Variants in MRC1 observed in about 807,000 individuals in gnomAD.
MRC1 encodes the protein mannose receptor C-type 1.
Under a neutral mutation model 102.9 loss-of-function variants are expected in MRC1, and 62 were observed. The observed-to-expected ratio is 0.60, with a 90% CI of 0.49 to 0.74. The LOEUF is 0.74. Among genes scored for constraint, MRC1 ranks in the 30% least tolerant of loss-of-function variants. MRC1 has a pLI of 0.00. For missense variants in MRC1, 1,237 were observed against 862.8 expected (o/e 1.43, Z -5.43); for synonymous variants, 457 against 298.4 (o/e 1.53, Z -5.48).
At chr10:17,858,253 A>G (rs929637693) in intron 9 of MRC1, among the ~76,000 whole-genome samples, 3 of 151,980 alleles carry the variant, frequency 2.0e-5, no homozygotes, top group Non-Finnish European at 4.4e-5. Flanking sequence ...ATTTTATTAT[A>G]CTTTCTCGTG....
chr10:17,876,008 G>C (rs888216100), intron 17 of MRC1, among the ~76,000 whole-genome samples: 31 of 152,236 alleles, frequency 2.0e-4, no homozygotes, highest in African/African-American at 7.2e-4. Context: ...ACATTTCTCT[G>C]ATAATTTGTG....
At chr10:17,849,558 G>T (rs111957681) in intron 6 of MRC1, 21 bp from the exon 7 acceptor site, 1 of 774,786 alleles carries the variant, frequency 1.3e-6, no homozygotes, top group Admixed American at 1.7e-5. Flanking sequence ...ATTTTTTTCC[G>T]ACCCCCCTTT....
chr10:17,809,565 G>A (rs1459089328), intron 1 of MRC1, 39 bp downstream of exon 1: 2 of 870,782 alleles, frequency 2.3e-6, no homozygotes, highest in African/African-American at 1.6e-5. Flanking sequence ...TGACCTGGGG[G>A]GCCGGAACCA....
At chr10:17,900,999 A>T in intron 25 of MRC1, 46 bp downstream of exon 25, 1 of 768,104 alleles carries the variant, frequency 1.3e-6, no homozygotes. Flanking sequence ...AAATTTCTGA[A>T]TAAGCTACTA....
At position 17,899,807 on chromosome 10, in the gene MRC1, T is replaced by G. The variant is rs1425586994; in HGVS notation, c.3484-981T>G. Among the ~76,000 whole-genome samples, 6 of 152,080 alleles carry G rather than the reference T, an allele frequency of 3.9e-5. No individual in the cohort carries two copies. The East Asian group carries it at 1.2e-3, about 29-fold the overall frequency. On this transcript the variant is annotated intron_variant, in intron 24 of 29. Coordinates refer to ENST00000569591, the MANE Select transcript of MRC1 (RefSeq NM_002438.4). ...TGTTTCACTAAATTTAATAAGAAAT[T>G]AACTGTGCAGGCCAGGCACGGTGGC...
Position 17,872,040 on chromosome 10 carries a change from G to C in MRC1, c.2258G>C (p.Cys753Ser). The C allele has an allele frequency of 1.3e-6, 1 of 780,680 alleles. No individual in the cohort carries two copies. Among genetic ancestry groups the C allele is most frequent in the Admixed American group, 1.7e-5 (1 of 59,022 alleles). 48.4% of individuals were successfully genotyped at this position (780,680 alleles called of 1,614,324 possible). A position where few individuals can be genotyped will look rare whatever the true frequency, so the allele number is the denominator to read the frequency against. Residue 753 changes from cysteine (C) to serine (S), a missense_variant, in exon 15 of 30, where the codon TGT (cysteine) becomes TCT (serine). Coordinates refer to ENST00000569591, the MANE Select transcript of MRC1 (RefSeq NM_002438.4). ...EPNNYQNVEY[C>S]GELKGDPTMS... ...AATAATTATCAAAATGTTGAATACT[G>C]TGGTGAGCTGAAAGGTGACCCTACT... is the stretch of plus-strand genomic sequence containing the variant.
intron 28 of MRC1, among the ~76,000 whole-genome samples, chr10:17,907,992 G>C (rs1397994837): frequency 6.6e-6 from 1 of 152,204 alleles, no homozygotes; most frequent in Non-Finnish European, 1.5e-5. Context: ...CATCTACAAA[G>C]CCTTATTGCA....
intron 4 of MRC1, among the ~76,000 whole-genome samples, chr10:17,835,067 G>A (rs925891940): frequency 1.2e-4 from 18 of 152,056 alleles, no homozygotes; most frequent in African/African-American, 3.1e-4. Flanking sequence ...TACTATTCCC[G>A]GTCTTGCATT....
At chr10:17,905,047 C>G (rs1833877974) in intron 26 of MRC1, among the ~76,000 whole-genome samples, 1 of 152,124 alleles carries the variant, frequency 6.6e-6, no homozygotes, top group African/African-American at 2.4e-5. Context: ...TGAATCAGGT[C>G]AAATAAAGAC....
chr10:17,861,547 A>G, intron 10 of MRC1, 45 bp downstream of exon 10: 1 of 835,182 alleles, frequency 1.2e-6, no homozygotes, highest in Non-Finnish European at 2.1e-6. Flanking sequence ...TCAAATAGAA[A>G]AAAGTTTCAG....
intron 2 of MRC1, among the ~76,000 whole-genome samples, chr10:17,825,850 C>G (rs1352307761): frequency 1.3e-5 from 2 of 152,182 alleles, no homozygotes; most frequent in Non-Finnish European, 2.9e-5. Flanking sequence ...GACTGGTTTC[C>G]TTTGTACGAA....
intron 4 of MRC1, among the ~76,000 whole-genome samples, chr10:17,837,126 C>T (rs1271080984): frequency 6.6e-6 from 1 of 152,238 alleles, no homozygotes; most frequent in East Asian, 1.9e-4. Flanking sequence ...AAATGCTTCC[C>T]TAATCAGCAA....
At chr10:17,907,459 A>G (rs1037448519) in intron 27 of MRC1, 75 bp from the exon 28 acceptor site, 272,759 of 776,284 alleles carry the variant, frequency 0.35, 49,030 homozygotes, top group East Asian at 0.45. Flanking sequence ...TAGAAATTTC[A>G]CATAAATTGG....
intron 6 of MRC1, among the ~76,000 whole-genome samples, chr10:17,848,468 C>A (rs1383616678): frequency 6.6e-6 from 1 of 152,116 alleles, no homozygotes; most frequent in African/African-American, 2.4e-5. Context: ...TCCCCTAGCT[C>A]ATTACTATTA....
At position 17,886,371 on chromosome 10, in the gene MRC1, T is replaced by G. The variant is rs944070022; in HGVS notation, c.3147+936T>G. 1.6e-4 allele frequency among the ~76,000 whole-genome samples: 23 copies of G among 146,408 alleles called. No individual in the cohort carries two copies. In the East Asian group the frequency reaches 5.1e-3, roughly 32 times the overall value. ...CCCTCCCTCCCTCTCCCTCTCCCTCTCCCTCTTTCACTGTCCCTTTCCCTC... is the reference window on the plus strand; with the variant it reads ...CCCTCCCTCCCTCTCCCTCTCCCTCGCCCTCTTTCACTGTCCCTTTCCCTC... On this transcript the variant is annotated intron_variant, in intron 22 of 29. Transcript: ENST00000569591.
chr10:17,867,986 A>G (rs1833300995), intron 12 of MRC1, among the ~76,000 whole-genome samples: 1 of 152,194 alleles, frequency 6.6e-6, no homozygotes, highest in South Asian at 2.1e-4. Context: ...TTCTACCACT[A>G]TTTAATACAT....
At position 17,845,337 on chromosome 10, in the gene MRC1, G is replaced by GA; in HGVS notation, c.971dup (p.Asn324LysfsTer3). ...AAAAGCTGTGTGTCACTAAATCCTG[G>GA]AAAAAATGCTAAATGGGAAAATCTG... On this transcript the variant is annotated frameshift_variant, in exon 6 of 30. Transcript: ENST00000569591. LOFTEE classifies it high-confidence loss of function. 1.3e-6 allele frequency: 1 copy of GA among 780,732 alleles called. No homozygotes were observed. The highest frequency in any genetic ancestry group is 2.4e-5 in the East Asian group (1 of 41,246). 48.4% of individuals were successfully genotyped at this position (780,732 alleles called of 1,614,324 possible).
At chr10:17,862,853 A>G (rs691773) in intron 10 of MRC1, 135,389 of 152,164 alleles carry the variant, frequency 0.89, 60,260 homozygotes, top group South Asian at 0.93. Flanking sequence ...TGCTGCTTCC[A>G]TTGTTTTATT....
intron 22 of MRC1, among the ~76,000 whole-genome samples, chr10:17,886,203 A>G (rs1457358727): frequency 2.0e-5 from 3 of 152,218 alleles, no homozygotes; most frequent in South Asian, 4.1e-4. Flanking sequence ...ACATACGTCT[A>G]TGGTGTCCTA....
Sources: allele counts gnomAD v4.1 joint callset (sites outside exome capture counted in the v4.1 genomes callset), GRCh38; gene constraint gnomAD v4.1.1; transcripts MANE v1.5; gene names NCBI Gene and HGNC (gene_info 2026-07-23, HGNC 2026-07-21).